SYCP1: variants seen among roughly 807,000 people sequenced by gnomAD.
SYCP1 encodes the protein cancer/testis antigen 8.
Under a neutral mutation model 153.1 loss-of-function variants are expected in SYCP1, and 64 were observed. The observed-to-expected ratio is 0.42, with a 90% CI of 0.34 to 0.51. The LOEUF is 0.51. Ranked by LOEUF, SYCP1 falls within the 20% of genes least tolerant of loss-of-function variation. The pLI is 0.06. For synonymous variants in SYCP1, 384 were observed against 341.8 expected, an observed-to-expected ratio of 1.12 and a Z score of -1.36; for missense variants, 997 against 1,049.0, an observed-to-expected ratio of 0.95 and a Z score of 0.68.
intron 27 of SYCP1, among the ~76,000 whole-genome samples, chr1:114,971,929 C>G (rs779411703): frequency 6.6e-6 from 1 of 152,020 alleles, no homozygotes; most frequent in Non-Finnish European, 1.5e-5. Flanking sequence ...CTACTGGCCT[C>G]ATAGAATGAG....
chr1:114,936,995 A>G (rs1480884251), intron 23 of SYCP1, among the ~76,000 whole-genome samples: 1 of 152,220 alleles, frequency 6.6e-6, no homozygotes, highest in African/African-American at 2.4e-5. Context: ...GTTCAATGCC[A>G]TCCCCATCAA....
At chr1:114,987,868 A>G (rs1292631188) in intron 30 of SYCP1, among the ~76,000 whole-genome samples, 6 of 151,004 alleles carry the variant, frequency 4.0e-5, no homozygotes, top group Non-Finnish European at 8.9e-5. Flanking sequence ...ATGGACAAAG[A>G]AAAAAAAACC....
chr1:114,881,431 T>C (rs1042869088), intron 12 of SYCP1, among the ~76,000 whole-genome samples: 1 of 152,240 alleles, frequency 6.6e-6, no homozygotes, highest in Non-Finnish European at 1.5e-5. Context: ...TATGTTTGCA[T>C]GATATGTCTT....
intron 30 of SYCP1, among the ~76,000 whole-genome samples, chr1:114,990,634 C>T (rs926558168): frequency 9.9e-5 from 15 of 151,854 alleles, no homozygotes; most frequent in African/African-American, 2.9e-4. Context: ...TACTACTGAC[C>T]GTTCAGAGAT....
chr1:114,888,537 T>C (rs1666467719), intron 15 of SYCP1, among the ~76,000 whole-genome samples: 1 of 152,088 alleles, frequency 6.6e-6, no homozygotes. Flanking sequence ...AATTTTCCAC[T>C]ATAGATTAAC....
chr1:114,898,959 G>C (rs1393065105), intron 16 of SYCP1, among the ~76,000 whole-genome samples: 1 of 152,140 alleles, frequency 6.6e-6, no homozygotes, highest in Non-Finnish European at 1.5e-5. Flanking sequence ...ATTCTTTACT[G>C]ACCACAGGTC....
At chr1:114,971,045 C>T (rs1473158434) in intron 27 of SYCP1, among the ~76,000 whole-genome samples, 1 of 152,152 alleles carries the variant, frequency 6.6e-6, no homozygotes, top group Non-Finnish European at 1.5e-5. Context: ...TGGCTTCCAG[C>T]CACATGGTGT....
At chr1:114,858,784 G>A in intron 6 of SYCP1, 73 bp downstream of exon 6, 4 of 1,283,152 alleles carry the variant, frequency 3.1e-6, no homozygotes, top group Non-Finnish European at 4.3e-6. Flanking sequence ...TAGAGTATTA[G>A]TTGGGATAAA....
intron 27 of SYCP1, among the ~76,000 whole-genome samples, chr1:114,956,116 G>A (rs187538147): frequency 7.0e-4 from 106 of 152,298 alleles, no homozygotes; most frequent in Admixed American, 2.4e-3. Context: ...AGGAGTCTAA[G>A]CCATCCTGAA....
intron 27 of SYCP1, among the ~76,000 whole-genome samples, chr1:114,950,707 GA>G (rs1231369115): frequency 2.0e-5 from 3 of 151,966 alleles, no homozygotes. Context: ...CAGTATTTAT[GA>G]ATGTACATGA....
At chr1:114,892,357 G>A (rs1222198338) in intron 15 of SYCP1, among the ~76,000 whole-genome samples, 1 of 152,114 alleles carries the variant, frequency 6.6e-6, no homozygotes, top group Non-Finnish European at 1.5e-5. Flanking sequence ...CCTGCTGCCA[G>A]GGAGTGTGCG....
At chr1:114,889,796 G>A (rs1164665595) in intron 15 of SYCP1, among the ~76,000 whole-genome samples, 1 of 152,084 alleles carries the variant, frequency 6.6e-6, no homozygotes, top group East Asian at 1.9e-4. Flanking sequence ...GTCCTGAATG[G>A]TATTACCTAG....
At chr1:114,948,100 C>T (rs1374990989) in intron 27 of SYCP1, among the ~76,000 whole-genome samples, 1 of 151,510 alleles carries the variant, frequency 6.6e-6, no homozygotes, top group African/African-American at 2.4e-5. Context: ...AATATTATCT[C>T]GTATTAAAAT....
chr1:114,927,487 A>T (rs1378508552), intron 23 of SYCP1, among the ~76,000 whole-genome samples: 3 of 152,200 alleles, frequency 2.0e-5, no homozygotes, highest in African/African-American at 7.2e-5. Context: ...CAGAAAGGAA[A>T]ATATGGTCAT....
chr1:114,930,659 G>A (rs756235623), intron 23 of SYCP1, among the ~76,000 whole-genome samples: 16 of 151,776 alleles, frequency 1.1e-4, no homozygotes, highest in Non-Finnish European at 2.1e-4. Context: ...GATTTCACTG[G>A]TAAATTCTGT....
intron 15 of SYCP1, among the ~76,000 whole-genome samples, chr1:114,893,221 T>G (rs1666841425): frequency 1.3e-5 from 2 of 152,156 alleles, no homozygotes; most frequent in South Asian, 4.1e-4. Context: ...ATTTTCTACC[T>G]CTTTGTTCTT....
Position 114,887,422 on chromosome 1 carries a change from T to G in SYCP1, c.1191-204T>G, listed in dbSNP as rs191550239. Reference sequence around the variant, plus strand: ...ATCTATGTATATTACATAAATGTAATATAGAATTATGTATTTATAATAGTA... The same window carrying G: ...ATCTATGTATATTACATAAATGTAAGATAGAATTATGTATTTATAATAGTA... On this transcript the variant is annotated intron_variant, in intron 14 of 31. Transcript: ENST00000369522. 2.0e-4 allele frequency among the ~76,000 whole-genome samples: 30 copies of G among 152,044 alleles called. 1 individual carries two copies. In the East Asian group the frequency reaches 4.6e-3, roughly 23 times the overall value.
chr1:114,927,034 G>A (rs1669300111), intron 23 of SYCP1, among the ~76,000 whole-genome samples: 1 of 152,000 alleles, frequency 6.6e-6, no homozygotes, highest in African/African-American at 2.4e-5. Context: ...TTATTCCTAT[G>A]TCTTTGAACA....
chr1:114,887,381 A>T (rs1246869456), intron 14 of SYCP1, among the ~76,000 whole-genome samples: 1 of 151,954 alleles, frequency 6.6e-6, no homozygotes, highest in Non-Finnish European at 1.5e-5. Context: ...AACTTATACC[A>T]TAAGCTTTAA....
Sources: allele counts gnomAD v4.1 joint callset (sites outside exome capture counted in the v4.1 genomes callset), GRCh38; gene constraint gnomAD v4.1.1; transcripts MANE v1.5; gene names NCBI Gene and HGNC (gene_info 2026-07-23, HGNC 2026-07-21).